Variants in ERC1 observed in about 807,000 individuals in gnomAD.
The protein encoded by ERC1 is ELKS/RAB6-interacting/CAST family member 1.
Under a neutral mutation model 132.0 loss-of-function variants are expected in ERC1, and 56 were observed. The observed-to-expected ratio is 0.42, with a 90% CI of 0.34 to 0.53. The LOEUF is 0.53. Ranked by LOEUF, ERC1 falls within the 20% of genes least tolerant of loss-of-function variation. The pLI, the probability that ERC1 is intolerant of heterozygous loss-of-function variation, is 0.03. For missense variants in ERC1, 1,202 were observed against 1,349.9 expected, an observed-to-expected ratio of 0.89 and a Z score of 1.72; for synonymous variants, 478 against 476.1, an observed-to-expected ratio of 1.00 and a Z score of -0.05.
chr12:1,003,094 T>TG (rs1962744837), intron 1 of ERC1, among the ~76,000 whole-genome samples: 1 of 8,422 alleles, frequency 1.2e-4, no homozygotes, highest in Non-Finnish European at 3.3e-4. Context: ...CTATGAAAAA[T>TG]GCAAAAAAAA....
At chr12:1,235,741 A>G (rs1389578212) in intron 12 of ERC1, among the ~76,000 whole-genome samples, 1 of 152,224 alleles carries the variant, frequency 6.6e-6, no homozygotes, top group Non-Finnish European at 1.5e-5. Flanking sequence ...TAGCAAGAGT[A>G]TAAATTAATA....
intron 2 of ERC1, among the ~76,000 whole-genome samples, chr12:1,060,497 G>C (rs1443385233): frequency 6.6e-6 from 1 of 152,042 alleles, no homozygotes; most frequent in African/African-American, 2.4e-5. Context: ...CCCTACAAAG[G>C]ACATGAACTC....
At chr12:1,341,872 G>A (rs1327775773) in intron 15 of ERC1, among the ~76,000 whole-genome samples, 1 of 152,094 alleles carries the variant, frequency 6.6e-6, no homozygotes, top group African/African-American at 2.4e-5. Context: ...AAATTCTGTT[G>A]ACAGTTTCTT....
rs565581766 is a variant in ERC1 at position 1,248,769 on chromosome 12, A to T, written c.2487+11865A>T. Among the ~76,000 whole-genome samples, 4 of 152,344 alleles carry T rather than the reference A, an allele frequency of 2.6e-5. No individual in the cohort carries two copies. In the East Asian group the frequency reaches 7.7e-4, roughly 29 times the overall value. ...TGTTTCATACCTTTGTGTGCTGTGC[A>T]GTTTTCTATGCTAGAAACAGTAATG... On this transcript the variant is annotated intron_variant, in intron 13 of 18. Transcript: ENST00000360905.
At chr12:1,447,797 G>GC (rs1384536690) in intron 18 of ERC1, among the ~76,000 whole-genome samples, 1 of 151,708 alleles carries the variant, frequency 6.6e-6, no homozygotes, top group Non-Finnish European at 1.5e-5. Flanking sequence ...CTACAGGCGC[G>GC]CGCCACCGTG....
chr12:1,217,888 T>C (rs1958573736), intron 12 of ERC1, among the ~76,000 whole-genome samples: 2 of 152,210 alleles, frequency 1.3e-5, no homozygotes. Context: ...AGTGTCTTCC[T>C]ACACTGCCTC....
intron 18 of ERC1, among the ~76,000 whole-genome samples, chr12:1,456,559 T>C (rs1242917193): frequency 6.6e-6 from 1 of 152,148 alleles, no homozygotes; most frequent in Non-Finnish European, 1.5e-5. Context: ...CTTGTATACA[T>C]TGAAGAACAG....
chr12:1,376,109 A>G (rs994869933), intron 16 of ERC1, among the ~76,000 whole-genome samples: 4 of 152,194 alleles, frequency 2.6e-5, no homozygotes, highest in East Asian at 1.9e-4. Context: ...GAATTACACA[A>G]CCAGCACATG....
intron 18 of ERC1, among the ~76,000 whole-genome samples, chr12:1,472,833 C>G (rs1182725360): frequency 6.6e-6 from 1 of 152,106 alleles, no homozygotes. Context: ...GTTGATAATA[C>G]AAGAAAGTAA....
intron 16 of ERC1, among the ~76,000 whole-genome samples, chr12:1,398,742 G>C (rs1159334131): frequency 6.6e-6 from 1 of 152,028 alleles, no homozygotes; most frequent in Non-Finnish European, 1.5e-5. Context: ...TAAGATCAAG[G>C]CACCAGCAGG....
At chr12:1,156,461 A>G (rs1159391065) in intron 8 of ERC1, among the ~76,000 whole-genome samples, 3 of 151,622 alleles carry the variant, frequency 2.0e-5, no homozygotes, top group Non-Finnish European at 4.4e-5. Context: ...CTGGTCTCGA[A>G]CTCCTGACCT....
intron 18 of ERC1, among the ~76,000 whole-genome samples, chr12:1,469,103 A>G (rs1357102530): frequency 6.6e-6 from 1 of 152,234 alleles, no homozygotes; most frequent in Non-Finnish European, 1.5e-5. Flanking sequence ...ACCAAGCACT[A>G]TGGATTTCTT....
At chr12:1,097,915 A>G (rs563695181) in intron 3 of ERC1, among the ~76,000 whole-genome samples, 5 of 151,898 alleles carry the variant, frequency 3.3e-5, no homozygotes, top group African/African-American at 9.7e-5. Context: ...GGGTTTTGCC[A>G]TGTTTGCCAG....
At chr12:1,147,140 G>C (rs145955352) in intron 8 of ERC1, among the ~76,000 whole-genome samples, 33 of 152,338 alleles carry the variant, frequency 2.2e-4, no homozygotes, top group African/African-American at 7.2e-4. Context: ...TATATACCCA[G>C]TAATGGGATG....
chr12:1,256,890 T>C (rs1189324459), intron 13 of ERC1, among the ~76,000 whole-genome samples: 1 of 150,710 alleles, frequency 6.6e-6, no homozygotes, highest in African/African-American at 2.5e-5. Flanking sequence ...AGAAGAAATT[T>C]TGTCTTCATT....
At chr12:1,111,345 T>C (rs530155273) in intron 5 of ERC1, among the ~76,000 whole-genome samples, 83 of 152,346 alleles carry the variant, frequency 5.4e-4, no homozygotes, top group African/African-American at 1.9e-3. Context: ...ATTGTAATTA[T>C]AAAGTTTAAG....
At chr12:1,449,009 G>A (rs965206464) in intron 18 of ERC1, among the ~76,000 whole-genome samples, 2 of 152,254 alleles carry the variant, frequency 1.3e-5, no homozygotes, top group African/African-American at 4.8e-5. Flanking sequence ...TGACCTGGAT[G>A]TGAGACGTGG....
chr12:1,244,033 G>T (rs1231086510), intron 13 of ERC1, among the ~76,000 whole-genome samples: 1 of 152,116 alleles, frequency 6.6e-6, no homozygotes. Context: ...TTCTGGTACC[G>T]TACTCTAATT....
At position 1,083,222 on chromosome 12, in the gene ERC1, A is replaced by G. The variant is rs1942484936; in HGVS notation, c.728A>G (p.Asn243Ser). Residue 243 changes from asparagine (N) to serine (S), a missense_variant, in exon 3 of 19, where the codon AAT (asparagine) becomes AGT (serine). Coordinates refer to ENST00000360905, the MANE Select transcript of ERC1 (RefSeq NM_178040.4). ...GAATTGCGGATCCAGAGGGACCTGAATCAGCTGTTTCAGCAGGATAGTAGC... is the reference window on the plus strand; with the variant it reads ...GAATTGCGGATCCAGAGGGACCTGAGTCAGCTGTTTCAGCAGGATAGTAGC... The part of the protein sequence containing the change: ...QDELRIQRDL[N>S]QLFQQDSSSR... 2 of 1,614,166 alleles carry G rather than the reference A, an allele frequency of 1.2e-6. No homozygotes were observed. Among genetic ancestry groups the G allele is most frequent in the East Asian group, 4.5e-5 (2 of 44,888 alleles).
Sources: gnomAD v4.1 joint callset for allele counts (sites outside exome capture counted in the v4.1 genomes callset) on GRCh38, gnomAD v4.1.1 for gene constraint, MANE v1.5 for transcripts, NCBI Gene and HGNC (gene_info 2026-07-23, HGNC 2026-07-21) for gene names.